The following MIER1 variants were observed in gnomAD, a reference collection of about 807,000 sequenced individuals.
The protein encoded by MIER1 is mesoderm induction early response protein 1.
In MIER1, 40 loss-of-function variants were observed where a neutral mutation model predicts 75.7. That is an observed-to-expected ratio of 0.53 (90% CI 0.41 to 0.69). The LOEUF is 0.69. Among genes scored for constraint, MIER1 ranks in the 30% least tolerant of loss-of-function variants. The pLI is 0.00. For synonymous variants in MIER1, 213 were observed against 223.4 expected, an observed-to-expected ratio of 0.95 and a Z score of 0.42; for missense variants, 574 against 680.2, an observed-to-expected ratio of 0.84 and a Z score of 1.74.
chr1:66,953,019 G>A (rs550415728), intron 4 of MIER1, among the ~76,000 whole-genome samples: 21 of 152,306 alleles, frequency 1.4e-4, no homozygotes, highest in African/African-American at 4.8e-4. Flanking sequence ...ACTTGAGATA[G>A]TCTATGCTTC....
At chr1:66,971,768 T>A (rs1264044167) in intron 10 of MIER1, 32 bp downstream of exon 10, 1 of 1,192,616 alleles carries the variant, frequency 8.4e-7, no homozygotes, top group Non-Finnish European at 1.2e-6. Context: ...TTTCATGATT[T>A]GGCAGAAATT....
At chr1:66,927,081 A>G (rs1426684957) in intron 2 of MIER1, among the ~76,000 whole-genome samples, 1 of 152,212 alleles carries the variant, frequency 6.6e-6, no homozygotes, top group Admixed American at 6.5e-5. Flanking sequence ...TGTTAAAAGC[A>G]TAATAATAAC....
intron 7 of MIER1, among the ~76,000 whole-genome samples, chr1:66,961,528 C>T (rs1325181176): frequency 2.0e-5 from 3 of 152,128 alleles, no homozygotes; most frequent in Non-Finnish European, 4.4e-5. Context: ...ATGTTCAGAA[C>T]TGAACAGGAA....
intron 8 of MIER1, among the ~76,000 whole-genome samples, chr1:66,964,903 C>A (rs945893638): frequency 1.3e-5 from 2 of 152,000 alleles, no homozygotes; most frequent in African/African-American, 4.8e-5. Flanking sequence ...TTGTTTATTT[C>A]TTTTTAGCAT....
chr1:66,936,841 T>C (rs1308305192), intron 2 of MIER1, among the ~76,000 whole-genome samples: 5 of 149,902 alleles, frequency 3.3e-5, no homozygotes, highest in Non-Finnish European at 7.4e-5. Context: ...TCTACTAAAA[T>C]ACAAAAAATT....
intron 8 of MIER1, among the ~76,000 whole-genome samples, chr1:66,967,258 G>A (rs940910556): frequency 6.6e-6 from 1 of 152,118 alleles, no homozygotes. Context: ...TTATTGAAGA[G>A]ACTATCTTTT....
intron 4 of MIER1, 83 bp downstream of exon 4, chr1:66,946,378 T>G: frequency 1.4e-6 from 2 of 1,470,832 alleles, no homozygotes; most frequent in African/African-American, 1.4e-5. Flanking sequence ...ATTCTCTGAT[T>G]AGGAGAGAAA....
chr1:66,929,167 A>G (rs1345449056), intron 2 of MIER1: 3 of 625,016 alleles, frequency 4.8e-6, no homozygotes, highest in Non-Finnish European at 8.6e-6. Context: ...TATTAACTTT[A>G]AGAAAAATTG....
In MIER1 at chr1:66,986,608, C is replaced by G; in HGVS notation, c.*1708C>G. 1 of 695,720 alleles carries G rather than the reference C, an allele frequency of 1.4e-6. No homozygotes were observed. The highest frequency in any genetic ancestry group is 2.4e-6 in the Non-Finnish European group (1 of 411,232). 43.1% of individuals were successfully genotyped at this position (695,720 alleles called of 1,614,324 possible). A position where few individuals can be genotyped will look rare whatever the true frequency, so the allele number is the denominator to read the frequency against. On this transcript the variant is annotated 3_prime_UTR_variant, in exon 14 of 14. Transcript: ENST00000401041. ...CATATGTTCGGACTGCTTCCCTTCA[C>G]CAATGTGAACAACTTTTTTTCCCAA...
chr1:66,929,879 A>C (rs1163151841), intron 2 of MIER1, among the ~76,000 whole-genome samples: 5 of 152,242 alleles, frequency 3.3e-5, no homozygotes, highest in African/African-American at 9.6e-5. Flanking sequence ...CATCACAGCA[A>C]CATCCGTTTT....
chr1:66,972,451 TA>T (rs756870664), intron 10 of MIER1, among the ~76,000 whole-genome samples: 44 of 151,950 alleles, frequency 2.9e-4, no homozygotes, highest in Middle Eastern at 3.4e-3. Flanking sequence ...TAATGGGACT[TA>T]ACCTATTTGC....
At chr1:66,935,839 C>G (rs1372878056) in intron 2 of MIER1, among the ~76,000 whole-genome samples, 3 of 152,122 alleles carry the variant, frequency 2.0e-5, no homozygotes, top group Admixed American at 6.5e-5. Context: ...TCTATCAACA[C>G]AAACAGATAT....
At position 66,925,062 on chromosome 1, in the gene MIER1, A is replaced by C. The variant is rs939345723; in HGVS notation, c.34A>C (p.Ser12Arg). Reference protein sequence around the residue: ...DGASSGGGGSSEGGGGSSGSG... With the variant: ...DGASSGGGGSREGGGGSSGSG... ...GGCTTCTTCAGGCGGTGGCGGCAGCAGCGAAGGTGGCGGCGGCAGCAGCGG... is the reference window on the plus strand; with the variant it reads ...GGCTTCTTCAGGCGGTGGCGGCAGCCGCGAAGGTGGCGGCGGCAGCAGCGG... The change falls in exon 1 of 14, where the codon AGC becomes CGC. Residue 12 changes from serine (S) to arginine (R), a missense_variant. Physicochemically the swap from Ser to Arg is moderately radical, Grantham distance 110. This residue lies in a region of MIER1 where 309 missense variants were observed against 352.8 expected (regional missense o/e 0.88). Coordinates refer to ENST00000401041, the MANE Select transcript of MIER1 (RefSeq NM_001077700.3). 1.3e-6 allele frequency: 2 copies of C among 1,548,574 alleles called. No individual in the cohort carries two copies. Among genetic ancestry groups the C allele is most frequent in the African/African-American group, 1.4e-5 (1 of 72,820 alleles).
intron 1 of MIER1, chr1:66,925,357 C>T (rs1651330945): frequency 2.0e-6 from 2 of 985,338 alleles, no homozygotes; most frequent in East Asian, 1.1e-4. Flanking sequence ...GCGGTGGTGG[C>T]GCCGCGCTGG....
rs17129540 is a variant in MIER1 at position 66,954,483 on chromosome 1, G to C, written c.340-3576G>C. ...GTAAATGGTATGTCTGCTCTAATCAGGGTGACTGGCTTATTCATTTTTGTT... is the reference window on the plus strand; with the variant it reads ...GTAAATGGTATGTCTGCTCTAATCACGGTGACTGGCTTATTCATTTTTGTT... On this transcript the variant is annotated intron_variant, in intron 4 of 13. Coordinates refer to ENST00000401041, the MANE Select transcript of MIER1 (RefSeq NM_001077700.3). Among the ~76,000 whole-genome samples the C allele has an allele frequency of 3.6e-3, 541 of 152,206 alleles. 3 individuals carry two copies. Among genetic ancestry groups the C allele is most frequent in the African/African-American group, 0.012 (517 of 41,524 alleles).
chr1:66,983,720 T>C (rs1666342547), intron 13 of MIER1, among the ~76,000 whole-genome samples: 2 of 152,170 alleles, frequency 1.3e-5, no homozygotes, highest in Admixed American at 1.3e-4. Flanking sequence ...AGGTAAATAG[T>C]GTGTGATCAT....
rs1666892926 is a variant in MIER1, at chr1:66,987,194, T to C, written c.*2294T>C. On this transcript the variant is annotated 3_prime_UTR_variant, in exon 14 of 14. Coordinates refer to ENST00000401041, the MANE Select transcript of MIER1 (RefSeq NM_001077700.3). ...AAGAAATATTTAATTGTATTTTGTG[T>C]TTATACAGGTATTTCACACAATAAT... 1 of 152,766 alleles carries C rather than the reference T, an allele frequency of 6.5e-6. No homozygotes were observed. The highest frequency in any genetic ancestry group is 1.5e-5 in the Non-Finnish European group (1 of 67,990). The allele number at this position is 152,766 out of a possible 1,614,324, so 9.5% of individuals were successfully genotyped here.
At chr1:66,942,756 G>A (rs772286802) in intron 3 of MIER1, among the ~76,000 whole-genome samples, 19 of 152,140 alleles carry the variant, frequency 1.2e-4, no homozygotes, top group Non-Finnish European at 2.2e-4. Flanking sequence ...AGAAAAAAGC[G>A]TAGTGTGCAT....
At chr1:66,941,991 T>G (rs922561088) in intron 3 of MIER1, among the ~76,000 whole-genome samples, 1 of 142,060 alleles carries the variant, frequency 7.0e-6, no homozygotes, top group Non-Finnish European at 1.5e-5. Flanking sequence ...AAAAAAACAG[T>G]CTTTGATAGC....
Sources: gnomAD v4.1 joint callset for allele counts (sites outside exome capture counted in the v4.1 genomes callset) on GRCh38, gnomAD v4.1.1 for gene constraint, gnomAD v4.1.1 regional missense constraint, MANE v1.5 for transcripts, NCBI Gene and HGNC (gene_info 2026-07-23, HGNC 2026-07-21) for gene names.